Variants in PPARGC1A observed in about 807,000 individuals in gnomAD.
PPARGC1A encodes PPARG coactivator 1 alpha.
In PPARGC1A, 25 loss-of-function variants were observed where a neutral mutation model predicts 88.7. That is an observed-to-expected ratio of 0.28 (90% CI 0.21 to 0.39). The LOEUF (loss-of-function observed/expected upper bound fraction) is 0.39, where lower values mean the gene tolerates loss of function less well. PPARGC1A is among the 10% of genes least tolerant of loss of function. The probability of loss-of-function intolerance (pLI) is 1.00; values close to 1 mark genes in which losing one functional copy is unlikely to be tolerated. For missense variants in PPARGC1A, 880 were observed against 968.7 expected (o/e 0.91, Z 1.22); for synonymous variants, 363 against 355.6 (o/e 1.02, Z -0.24).
the PPARGC1A span, among the ~76,000 whole-genome samples, chr4:24,457,279 T>C: frequency 6.6e-6 from 1 of 151,856 alleles, no homozygotes; most frequent in Admixed American, 6.6e-5. Context: ...TGAACCGGGG[T>C]CCAAAGACGT....
the PPARGC1A span, among the ~76,000 whole-genome samples, chr4:24,205,232 A>ATGAT: frequency 6.6e-6 from 1 of 152,184 alleles, no homozygotes; most frequent in Non-Finnish European, 1.5e-5. Context: ...ATCTAGTGAT[A>ATGAT]TTGATCCCGG....
intron 11 of PPARGC1A, 27 bp downstream of exon 11, chr4:23,802,197 A>T: frequency 6.2e-7 from 1 of 1,613,884 alleles, no homozygotes; most frequent in Non-Finnish European, 8.5e-7. Context: ...CAGCTTCTAA[A>T]CAAGAAATAA....
At chr4:24,345,710 A>G in the PPARGC1A span, among the ~76,000 whole-genome samples, 13 of 152,154 alleles carry the variant, frequency 8.5e-5, no homozygotes, top group African/African-American at 1.2e-4. Flanking sequence ...AAGGTAAACA[A>G]TCATATCGTC....
chr4:24,291,234 C>G, the PPARGC1A span, among the ~76,000 whole-genome samples: 1 of 152,144 alleles, frequency 6.6e-6, no homozygotes, highest in African/African-American at 2.4e-5. Context: ...AACCTCTGGG[C>G]CTGACAAAAC....
the PPARGC1A span, among the ~76,000 whole-genome samples, chr4:24,151,132 A>T: frequency 6.6e-6 from 1 of 152,172 alleles, no homozygotes; most frequent in Non-Finnish European, 1.5e-5. Context: ...CACCTTTTGC[A>T]TTTGTTGACA....
chr4:23,827,511 A>G (rs771990898), intron 5 of PPARGC1A, among the ~76,000 whole-genome samples: 7 of 152,140 alleles, frequency 4.6e-5, no homozygotes, highest in Non-Finnish European at 8.8e-5. Flanking sequence ...AGAAGCTGGC[A>G]TGTTTTAAAT....
intron 2 of PPARGC1A, among the ~76,000 whole-genome samples, chr4:23,838,817 C>A (rs145551186): frequency 3.0e-3 from 458 of 152,262 alleles, no homozygotes; most frequent in African/African-American, 0.01. Context: ...AAGTTTATAT[C>A]TCAAGCACAC....
intron 2 of PPARGC1A, among the ~76,000 whole-genome samples, chr4:23,877,361 A>C (rs1488857683): frequency 3.7e-4 from 2 of 5,364 alleles, no homozygotes; most frequent in African/African-American, 1.3e-3. Context: ...CTAAAAATAC[A>C]AAAAAAAAAA....
the PPARGC1A span, among the ~76,000 whole-genome samples, chr4:24,272,767 G>C: frequency 6.6e-6 from 1 of 152,090 alleles, no homozygotes; most frequent in Non-Finnish European, 1.5e-5. Flanking sequence ...GCTAATTAAG[G>C]AACTGTCTGA....
chr4:24,061,550 C>T, the PPARGC1A span, among the ~76,000 whole-genome samples: 4 of 152,206 alleles, frequency 2.6e-5, no homozygotes, highest in Admixed American at 1.3e-4. Context: ...ACTCAACTCA[C>T]TTCTCCCTCA....
chr4:23,965,723 G>A, the PPARGC1A span, among the ~76,000 whole-genome samples: 1 of 152,084 alleles, frequency 6.6e-6, no homozygotes, highest in Non-Finnish European at 1.5e-5. Flanking sequence ...CTTGCTATGG[G>A]CCCTTCCGAA....
the PPARGC1A span, among the ~76,000 whole-genome samples, chr4:24,288,498 C>A: frequency 6.6e-6 from 1 of 152,136 alleles, no homozygotes; most frequent in African/African-American, 2.4e-5. Flanking sequence ...ATGAAAGGCT[C>A]AAAATGAAAG....
chr4:24,194,870 T>G, the PPARGC1A span, among the ~76,000 whole-genome samples: 1 of 152,144 alleles, frequency 6.6e-6, no homozygotes, highest in East Asian at 1.9e-4. Context: ...AACCAAAATC[T>G]TTTCCAGCAT....
chr4:23,887,602 G>T (rs950660350), intron 1 of PPARGC1A, among the ~76,000 whole-genome samples: 2 of 152,132 alleles, frequency 1.3e-5, no homozygotes, highest in African/African-American at 4.8e-5. Flanking sequence ...GCTAATTATT[G>T]TATGTTATTT....
At chr4:24,243,611 C>T in the PPARGC1A span, among the ~76,000 whole-genome samples, 10 of 152,228 alleles carry the variant, frequency 6.6e-5, no homozygotes, top group South Asian at 1.9e-3. Context: ...AGGGTTTTTG[C>T]CAAGGTTTTC....
At chr4:24,178,436 GA>G in the PPARGC1A span, among the ~76,000 whole-genome samples, 1 of 151,908 alleles carries the variant, frequency 6.6e-6, no homozygotes, top group Admixed American at 6.6e-5. Flanking sequence ...CTACACAGCA[GA>G]AAAAAAGGAA....
At chr4:24,064,677 A>T in the PPARGC1A span, among the ~76,000 whole-genome samples, 2 of 152,076 alleles carry the variant, frequency 1.3e-5, no homozygotes, top group Non-Finnish European at 2.9e-5. Context: ...ATAAAAAGTC[A>T]TTGCCTTCAA....
the PPARGC1A span, among the ~76,000 whole-genome samples, chr4:24,168,309 C>T: frequency 0.013 from 2,007 of 152,232 alleles, 44 homozygotes; most frequent in African/African-American, 0.046. Flanking sequence ...TTCACAGGCA[C>T]ATTTAGATGA....
the PPARGC1A span, among the ~76,000 whole-genome samples, chr4:24,259,600 C>T: frequency 6.6e-6 from 1 of 152,080 alleles, no homozygotes; most frequent in Non-Finnish European, 1.5e-5. Context: ...GTTACAATTG[C>T]CTAAAGTATT....
Sources: allele counts gnomAD v4.1 joint callset (sites outside exome capture counted in the v4.1 genomes callset), GRCh38; gene constraint gnomAD v4.1.1; transcripts MANE v1.5; gene names NCBI Gene and HGNC (gene_info 2026-07-23, HGNC 2026-07-21).